Variants in MCPH1 observed in about 807,000 individuals in gnomAD.
MCPH1 encodes microcephalin.
MCPH1 carries 104 observed loss-of-function variants against 84.5 expected under a neutral mutation model. The observed-to-expected ratio is 1.23, with a 90% CI of 1.05 to 1.45. The LOEUF is 1.45. Among genes scored for constraint, MCPH1 ranks in the 40% most tolerant of loss-of-function variants. The pLI is 0.00. For missense variants in MCPH1, 1,498 were observed against 1,005.7 expected, an observed-to-expected ratio of 1.49 and a Z score of -6.62; for synonymous variants, 514 against 366.8, an observed-to-expected ratio of 1.40 and a Z score of -4.58.
In MCPH1 at chr8:6,511,289, A is replaced by AT. The variant is rs33939886; in HGVS notation, c.2214+11371dup. On this transcript the variant is annotated intron_variant, in intron 12 of 13. Coordinates refer to ENST00000344683, the MANE Select transcript of MCPH1 (RefSeq NM_024596.5). Reference sequence around the variant, plus strand: ...AGTTGCTTTACATTGGTATGGGTTGATTTTTTTTTTTCAATCTCTGCAGCT... The same window carrying AT: ...AGTTGCTTTACATTGGTATGGGTTGATTTTTTTTTTTTCAATCTCTGCAGCT... 3.5e-4 allele frequency among the ~76,000 whole-genome samples: 52 copies of AT among 149,490 alleles called. 1 individual carries two copies. The South Asian group carries it at 3.8e-3, about 11-fold the overall frequency.
intron 8 of MCPH1, among the ~76,000 whole-genome samples, chr8:6,450,611 A>C (rs1350029030): frequency 1.3e-5 from 2 of 151,462 alleles, no homozygotes. Flanking sequence ...ACCAATAAGA[A>C]ACTGTTTCTC....
intron 12 of MCPH1, among the ~76,000 whole-genome samples, chr8:6,587,017 C>T (rs1344736603): frequency 6.6e-6 from 1 of 151,672 alleles, no homozygotes; most frequent in African/African-American, 2.4e-5. Context: ...TACCACCCAG[C>T]GCTTTTCATT....
At chr8:6,491,420 G>C (rs1199610992) in intron 11 of MCPH1, among the ~76,000 whole-genome samples, 2 of 145,814 alleles carry the variant, frequency 1.4e-5, no homozygotes, top group African/African-American at 2.6e-5. Context: ...TATTAGGACA[G>C]AAGGACAATT....
chr8:6,616,069 T>C (rs1830759603), intron 12 of MCPH1: 1 of 152,138 alleles, frequency 6.6e-6, no homozygotes. Context: ...GTTAGGAAGG[T>C]TTCGCGTATT....
chr8:6,591,003 G>C (rs984771926), intron 12 of MCPH1, among the ~76,000 whole-genome samples: 1 of 152,254 alleles, frequency 6.6e-6, no homozygotes, highest in South Asian at 2.1e-4. Flanking sequence ...CTGGGCTCAA[G>C]TAATTCTGCC....
intron 12 of MCPH1, among the ~76,000 whole-genome samples, chr8:6,539,965 C>G (rs1389222377): frequency 1.3e-5 from 2 of 152,288 alleles, no homozygotes; most frequent in South Asian, 2.1e-4. Context: ...GTATAAGAGA[C>G]TGAAAGTTCA....
chr8:6,470,752 G>A lies in MCPH1; in HGVS notation c.1936-6842G>A, dbSNP rs550753346. ...AGTGGCCATGCCACAGGAATCAGAG[G>A]CTGTACTTCACTTTGTGGTTGCTTT... On this transcript the variant is annotated intron_variant, in intron 9 of 13. Coordinates refer to ENST00000344683, the MANE Select transcript of MCPH1 (RefSeq NM_024596.5). Among the ~76,000 whole-genome samples, 12 of 152,368 alleles carry A rather than the reference G, an allele frequency of 7.9e-5. No individual in the cohort carries two copies. In the South Asian group the frequency reaches 2.3e-3, roughly 29 times the overall value.
intron 12 of MCPH1, among the ~76,000 whole-genome samples, chr8:6,521,992 G>T (rs541410685): frequency 1.3e-5 from 2 of 152,310 alleles, no homozygotes; most frequent in South Asian, 4.1e-4. Context: ...ATGCGTTAAT[G>T]TCCTCACCTG....
At chr8:6,542,382 GT>G (rs1821770589) in intron 12 of MCPH1, among the ~76,000 whole-genome samples, 2 of 152,062 alleles carry the variant, frequency 1.3e-5, no homozygotes, top group Non-Finnish European at 2.9e-5. Flanking sequence ...AAACTTGTGT[GT>G]GTGTGTTTCA....
chr8:6,418,895 A>G (rs1029513118), intron 3 of MCPH1, among the ~76,000 whole-genome samples: 5 of 152,160 alleles, frequency 3.3e-5, no homozygotes, highest in Middle Eastern at 3.4e-3. Context: ...TTTTTTTTTA[A>G]GACTCATGGC....
intron 12 of MCPH1, among the ~76,000 whole-genome samples, chr8:6,504,241 C>T (rs1027481718): frequency 1.4e-5 from 2 of 146,322 alleles, no homozygotes; most frequent in East Asian, 4.2e-4. Context: ...TGGCGTGAAC[C>T]CGGGAGGCGG....
At chr8:6,527,261 G>A (rs1818505635) in intron 12 of MCPH1, among the ~76,000 whole-genome samples, 1 of 152,168 alleles carries the variant, frequency 6.6e-6, no homozygotes, top group Non-Finnish European at 1.5e-5. Context: ...AGCACTAGCT[G>A]TATTTTTATA....
intron 13 of MCPH1, chr8:6,624,822 T>C: frequency 2.0e-6 from 2 of 985,176 alleles, no homozygotes; most frequent in Non-Finnish European, 2.4e-6. Context: ...GTTTCCTGCC[T>C]CATCCAGGTC....
intron 12 of MCPH1, among the ~76,000 whole-genome samples, chr8:6,593,358 T>C (rs1271027617): frequency 6.6e-6 from 1 of 151,344 alleles, no homozygotes; most frequent in Non-Finnish European, 1.5e-5. Flanking sequence ...GCTGGGAATA[T>C]AGGCATAAGC....
intron 12 of MCPH1, among the ~76,000 whole-genome samples, chr8:6,576,665 G>A (rs1245328336): frequency 7.8e-6 from 1 of 127,460 alleles, no homozygotes. Flanking sequence ...CCGCCACCAC[G>A]CTCTGCTAAT....
chr8:6,528,243 G>C (rs1818759484), intron 12 of MCPH1, among the ~76,000 whole-genome samples: 1 of 151,938 alleles, frequency 6.6e-6, no homozygotes, highest in Non-Finnish European at 1.5e-5. Flanking sequence ...TGGACAATGG[G>C]GTCTGTGCCA....
At chr8:6,473,235 A>G (rs1255561336) in intron 9 of MCPH1, among the ~76,000 whole-genome samples, 1 of 151,980 alleles carries the variant, frequency 6.6e-6, no homozygotes, top group African/African-American at 2.4e-5. Context: ...TCTGTAATAA[A>G]CTTAAAAGAT....
intron 11 of MCPH1, among the ~76,000 whole-genome samples, chr8:6,483,373 T>C (rs776951783): frequency 6.6e-4 from 101 of 152,056 alleles, no homozygotes; most frequent in Non-Finnish European, 8.7e-4. Context: ...CCAAAACAAT[T>C]TAGAAAGGAA....
chr8:6,608,106 C>A (rs1829941856), intron 12 of MCPH1, among the ~76,000 whole-genome samples: 1 of 152,104 alleles, frequency 6.6e-6, no homozygotes, highest in Non-Finnish European at 1.5e-5. Context: ...CCAGCCTCAG[C>A]AGAGGAACTG....
Sources: gnomAD v4.1 joint callset for allele counts (sites outside exome capture counted in the v4.1 genomes callset) on GRCh38, gnomAD v4.1.1 for gene constraint, MANE v1.5 for transcripts, NCBI Gene and HGNC (gene_info 2026-07-23, HGNC 2026-07-21) for gene names.